The following MED23 variants were observed in gnomAD, a reference collection of about 807,000 sequenced individuals.
The protein encoded by MED23 is mediator complex subunit 23, also known as mediator of RNA polymerase II transcription subunit 23.
In MED23, 105 loss-of-function variants were observed where a neutral mutation model predicts 163.9. The ratio of observed to expected loss-of-function variants is 0.64; its 90% confidence interval spans 0.55 to 0.75. The LOEUF is 0.75. Ranked by LOEUF, MED23 falls within the 30% of genes least tolerant of loss-of-function variation. The probability of loss-of-function intolerance (pLI) is 0.00; values close to 1 mark genes in which losing one functional copy is unlikely to be tolerated. For missense variants in MED23, 1,054 were observed against 1,649.0 expected (o/e 0.64, Z 6.25); for synonymous variants, 561 against 565.6 (o/e 0.99, Z 0.12).
intron 30 of MED23, chr6:131,579,389 A>G (rs1773800412): frequency 7.6e-7 from 1 of 1,311,484 alleles, no homozygotes; most frequent in Non-Finnish European, 1.0e-6. Context: ...GCATTGACCT[A>G]TATTTTATAT....
Position 131,618,522 on chromosome 6 carries a change from GTA to G in MED23, c.668-5_668-4del. 6.3e-7 allele frequency: 1 copy of G among 1,599,926 alleles called. No individual in the cohort carries two copies. The highest frequency in any genetic ancestry group is 1.3e-5 in the African/African-American group (1 of 74,694). ...AACTGGCAGAAGACTACAGCGACCT[GTA>G]TGTATTACAAAAATGTTTTTAAGTA... On this transcript the variant is annotated splice_polypyrimidine_tract_variant and splice_region_variant and intron_variant, in intron 8 of 28. Transcript: ENST00000368068.
At chr6:131,621,841 T>G in intron 6 of MED23, 40 bp downstream of exon 6, 2 of 1,409,596 alleles carry the variant, frequency 1.4e-6, no homozygotes, top group South Asian at 2.5e-5. Flanking sequence ...CTAGACTTTT[T>G]TGAGGTTATG....
chr6:131,620,495 T>C (rs1777017437), intron 7 of MED23, 133 bp downstream of exon 7: 1 of 692,064 alleles, frequency 1.4e-6, no homozygotes, highest in Non-Finnish European at 2.6e-6. Context: ...AGACAGAGTC[T>C]TGTTATGTTA....
chr6:131,619,622 CA>C (rs1776937740), intron 8 of MED23, among the ~76,000 whole-genome samples: 1 of 151,988 alleles, frequency 6.6e-6, no homozygotes, highest in East Asian at 1.9e-4. Context: ...AGCTTAAACC[CA>C]TTCCAGAGAG....
At chr6:131,589,974 A>G (rs577377367) in intron 27 of MED23, among the ~76,000 whole-genome samples, 2 of 152,046 alleles carry the variant, frequency 1.3e-5, no homozygotes, top group East Asian at 1.9e-4. Flanking sequence ...TTAAGGTTCT[A>G]CTCCTGGGTC....
chr6:131,582,846 T>C, downstream of MED23: 2 of 834,212 alleles, frequency 2.4e-6, no homozygotes, highest in Non-Finnish European at 4.1e-6. Flanking sequence ...CACACACATA[T>C]ATTTATATAC....
chr6:131,620,803 T>A, intron 6 of MED23, 74 bp from the exon 7 acceptor site: 1 of 880,662 alleles, frequency 1.1e-6, no homozygotes, highest in Non-Finnish European at 1.7e-6. Flanking sequence ...TTATTATCAT[T>A]ATTTTTTTTT....
At chr6:131,596,444 C>T (rs753152083) in intron 21 of MED23, 74 bp downstream of exon 21, 78 of 1,528,448 alleles carry the variant, frequency 5.1e-5, no homozygotes, top group East Asian at 4.5e-5. Context: ...AGAGAGAAAA[C>T]GGCCAAATCA....
chr6:131,597,240 G>C (rs1046527636), intron 20 of MED23, among the ~76,000 whole-genome samples: 78 of 152,018 alleles, frequency 5.1e-4, no homozygotes, highest in African/African-American at 1.8e-3. Context: ...ACTTTCGGAG[G>C]CCGAGGCGGG....
chr6:131,602,517 A>G lies in MED23; in HGVS notation c.1932-136T>C, dbSNP rs1341823417. ...AAAAAACACTTTTGTGTGAGAATAAATGTTGCTTAATTTGTTTAAAAAACC... is the reference window on the plus strand; with the variant it reads ...AAAAAACACTTTTGTGTGAGAATAAGTGTTGCTTAATTTGTTTAAAAAACC... On this transcript the variant is annotated intron_variant, in intron 16 of 28. Transcript: ENST00000368068. 19 of 772,294 alleles carry G rather than the reference A, an allele frequency of 2.5e-5. No individual in the cohort carries two copies. The East Asian group carries it at 4.4e-4, about 18-fold the overall frequency. 47.8% of individuals were successfully genotyped at this position (772,294 alleles called of 1,614,324 possible). A position where few individuals can be genotyped will look rare whatever the true frequency, so the allele number is the denominator to read the frequency against.
At chr6:131,625,489 G>T (rs930722735) in intron 3 of MED23, among the ~76,000 whole-genome samples, 5 of 152,064 alleles carry the variant, frequency 3.3e-5, no homozygotes, top group African/African-American at 9.7e-5. Flanking sequence ...CTTTAAATAC[G>T]ATGTCAAAAT....
chr6:131,620,631 G>A lies in MED23; in HGVS notation c.594C>T (p.His198=). The A allele has an allele frequency of 1.2e-6, 2 of 1,603,650 alleles. No individual in the cohort carries two copies. The highest frequency in any genetic ancestry group is 1.7e-6 in the Non-Finnish European group (2 of 1,171,114). ...RKLYPEGKLP[H]WLLGNLVSDF... is the part of the protein sequence containing the mutation. ...ATTCAGGAAATATAAAATTTACCCA[G>A]TGTGGAAGTTTGCCTTCAGGATACA... Residue 198 remains histidine, a synonymous_variant, in exon 7 of 29, where the codon CAC becomes CAT. Coordinates refer to ENST00000368068, the MANE Select transcript of MED23 (RefSeq NM_004830.4).
intron 26 of MED23, 99 bp from the exon 27 acceptor site, chr6:131,590,541 T>C (rs528346411): frequency 3.5e-4 from 269 of 766,300 alleles, no homozygotes; most frequent in Non-Finnish European, 4.5e-4. Flanking sequence ...TAAAATATAA[T>C]TTTTTAAAGT....
Position 131,615,503 on chromosome 6 carries a change from C to CAAAAAAAAAAAAAAAAAAAAAAA in MED23, c.876+381_876+403dup, listed in dbSNP as rs917020235. Reference sequence around the variant, plus strand: ...CCACCAAAAACAAGCAAACACACACCAAAAAAAAAAAAAAAAAAAAAAAAA... The same window carrying CAAAAAAAAAAAAAAAAAAAAAAA: ...CCACCAAAAACAAGCAAACACACACCAAAAAAAAAAAAAAAAAAAAAAAAAAAAAAAAAAAAAAAAAAAAAAAA... On this transcript the variant is annotated intron_variant, in intron 10 of 28. Transcript: ENST00000368068. Among the ~76,000 whole-genome samples, 12 of 14,158 alleles carry CAAAAAAAAAAAAAAAAAAAAAAA rather than the reference C, an allele frequency of 8.5e-4. 4 individuals are homozygous for CAAAAAAAAAAAAAAAAAAAAAAA. The highest frequency in any genetic ancestry group is 2.1e-3 in the African/African-American group (7 of 3,306). 9.3% of individuals were successfully genotyped at this position (14,158 alleles called of 152,430 possible). A position where few individuals can be genotyped will look rare whatever the true frequency, so the allele number is the denominator to read the frequency against.
chr6:131,603,318 C>T (rs1387502220), intron 15 of MED23, 114 bp from the exon 16 acceptor site: 2 of 962,342 alleles, frequency 2.1e-6, no homozygotes, highest in Admixed American at 1.9e-5. Flanking sequence ...AATACACACG[C>T]CCACACACAT....
chr6:131,592,636 G>A (rs1774729726), intron 24 of MED23, 176 bp from the exon 25 acceptor site: 5 of 640,220 alleles, frequency 7.8e-6, no homozygotes, highest in Non-Finnish European at 2.7e-6. Flanking sequence ...AAAAACTCAA[G>A]AAGGCTTTTT....
At chr6:131,619,085 T>C (rs1585558450) in intron 8 of MED23, among the ~76,000 whole-genome samples, 1 of 152,228 alleles carries the variant, frequency 6.6e-6, no homozygotes, top group East Asian at 1.9e-4. Flanking sequence ...AAGCTTAACA[T>C]GTCTCAAATT....
intron 11 of MED23, among the ~76,000 whole-genome samples, chr6:131,608,306 C>A (rs1328936378): frequency 6.6e-6 from 1 of 151,554 alleles, no homozygotes; most frequent in East Asian, 1.9e-4. Context: ...CTCCCCAAAA[C>A]AACTAATGCA....
downstream of MED23, chr6:131,583,396 T>C: frequency 1.2e-6 from 2 of 1,614,224 alleles, no homozygotes; most frequent in Non-Finnish European, 1.7e-6. Flanking sequence ...GTTGACGGAC[T>C]GGACCCATCT....
Sources: gnomAD v4.1 joint callset for allele counts (sites outside exome capture counted in the v4.1 genomes callset) on GRCh38, gnomAD v4.1.1 for gene constraint, MANE v1.5 for transcripts, NCBI Gene and HGNC (gene_info 2026-07-23, HGNC 2026-07-21) for gene names.